Variants in SLC44A1 observed in about 807,000 individuals in gnomAD.
SLC44A1 encodes choline transporter-like protein 1.
In SLC44A1, 26 loss-of-function variants were observed where a neutral mutation model predicts 79.3. The observed-to-expected ratio is 0.33, with a 90% CI of 0.24 to 0.46. The LOEUF (loss-of-function observed/expected upper bound fraction) is 0.46. SLC44A1 is among the 20% of genes least tolerant of loss of function. SLC44A1 has a pLI of 1.00. For missense variants in SLC44A1, 688 were observed against 798.1 expected (o/e 0.86, Z 1.66); for synonymous variants, 263 against 286.2 (o/e 0.92, Z 0.82).
At chr9:105,267,685 G>A (rs1829992579) in intron 1 of SLC44A1, among the ~76,000 whole-genome samples, 1 of 151,930 alleles carries the variant, frequency 6.6e-6, no homozygotes, top group Non-Finnish European at 1.5e-5. Flanking sequence ...CTCTGCAACT[G>A]CATCATCTTT....
At chr9:105,372,982 C>G (rs1174485982) in intron 12 of SLC44A1, among the ~76,000 whole-genome samples, 1 of 151,608 alleles carries the variant, frequency 6.6e-6, no homozygotes, top group Non-Finnish European at 1.5e-5. Flanking sequence ...CAGGTAGTGA[C>G]CTGCTCAGTA....
chr9:105,380,837 T>A (rs527329789), intron 13 of SLC44A1, among the ~76,000 whole-genome samples: 1 of 152,310 alleles, frequency 6.6e-6, no homozygotes, highest in South Asian at 2.1e-4. Flanking sequence ...CTGGGCTTTA[T>A]CATGGATCCA....
At chr9:105,252,604 C>G (rs1829615397) in intron 1 of SLC44A1, among the ~76,000 whole-genome samples, 1 of 152,094 alleles carries the variant, frequency 6.6e-6, no homozygotes, top group Admixed American at 6.6e-5. Flanking sequence ...AGGGCTAGTG[C>G]GCTCAAGTAA....
chr9:105,421,925 T>G (rs778738385), intron 15 of SLC44A1, among the ~76,000 whole-genome samples: 1 of 152,078 alleles, frequency 6.6e-6, no homozygotes, highest in Non-Finnish European at 1.5e-5. Flanking sequence ...ACTGGTGCAT[T>G]GTCAGTATTT....
At chr9:105,317,622 T>C (rs1218613493) in intron 3 of SLC44A1, among the ~76,000 whole-genome samples, 1 of 151,990 alleles carries the variant, frequency 6.6e-6, no homozygotes, top group African/African-American at 2.4e-5. Flanking sequence ...CCAAGCTTGG[T>C]TCTCACTGTC....
intron 4 of SLC44A1, among the ~76,000 whole-genome samples, chr9:105,337,962 A>G (rs1826974757): frequency 6.6e-6 from 1 of 152,206 alleles, no homozygotes; most frequent in African/African-American, 2.4e-5. Flanking sequence ...GTCTTGCACA[A>G]AGTAGGTGCT....
intron 1 of SLC44A1, among the ~76,000 whole-genome samples, chr9:105,254,175 C>G (rs1016636243): frequency 1.8e-4 from 27 of 152,344 alleles, no homozygotes; most frequent in African/African-American, 6.5e-4. Flanking sequence ...TTGATGTCAG[C>G]AAGGACGTAA....
At chr9:105,411,620 T>A (rs1049922249) in intron 15 of SLC44A1, among the ~76,000 whole-genome samples, 1 of 152,130 alleles carries the variant, frequency 6.6e-6, no homozygotes, top group Non-Finnish European at 1.5e-5. Context: ...GTCTCTTTAA[T>A]CTCTTTTAAC....
chr9:105,303,304 T>C (rs1020200836), intron 2 of SLC44A1, among the ~76,000 whole-genome samples: 1 of 151,970 alleles, frequency 6.6e-6, no homozygotes, highest in African/African-American at 2.4e-5. Context: ...TCTGACTTCA[T>C]TCTGTCTCAA....
rs139859232 is a variant in SLC44A1 at position 105,347,469 on chromosome 9, G to A, written c.407-889G>A. ...CTAGTTGCTGTATTTTAAAATTAAC[G>A]GATCAGGAAAATAAGATGTATATTG... On this transcript the variant is annotated intron_variant, in intron 4 of 15. Transcript: ENST00000374720. Among the ~76,000 whole-genome samples, 40 of 151,876 alleles carry A rather than the reference G, an allele frequency of 2.6e-4. 1 individual carries two copies. The East Asian group carries it at 6.6e-3, about 25-fold the overall frequency.
intron 1 of SLC44A1, among the ~76,000 whole-genome samples, chr9:105,290,223 A>C (rs1830571909): frequency 6.6e-6 from 1 of 152,200 alleles, no homozygotes; most frequent in African/African-American, 2.4e-5. Context: ...AGGATAGCCA[A>C]AAAAGTCAAT....
chr9:105,331,763 A>G (rs1167353183), intron 3 of SLC44A1, among the ~76,000 whole-genome samples: 1 of 152,258 alleles, frequency 6.6e-6, no homozygotes, highest in Non-Finnish European at 1.5e-5. Context: ...TGATATTTGT[A>G]GGAAATATTT....
At chr9:105,326,522 T>TC (rs1564439048) in intron 3 of SLC44A1, among the ~76,000 whole-genome samples, 1 of 152,164 alleles carries the variant, frequency 6.6e-6, no homozygotes, top group Non-Finnish European at 1.5e-5. Context: ...AGGGGAGTCT[T>TC]CCCCCGTGCT....
At chr9:105,349,510 G>A (rs894344601) in intron 5 of SLC44A1, among the ~76,000 whole-genome samples, 1 of 152,060 alleles carries the variant, frequency 6.6e-6, no homozygotes, top group African/African-American at 2.4e-5. Flanking sequence ...AAAATTTAAA[G>A]CCTGTAGACA....
chr9:105,408,249 C>G (rs1484927920), intron 15 of SLC44A1, among the ~76,000 whole-genome samples: 1 of 152,076 alleles, frequency 6.6e-6, no homozygotes. Flanking sequence ...TAGACCTGCC[C>G]TATGAGAAAT....
chr9:105,265,893 A>G (rs1829950214), intron 1 of SLC44A1, among the ~76,000 whole-genome samples: 1 of 152,078 alleles, frequency 6.6e-6, no homozygotes, highest in East Asian at 1.9e-4. Flanking sequence ...TCATGTACTT[A>G]TTTAACATCT....
intron 15 of SLC44A1, among the ~76,000 whole-genome samples, chr9:105,402,616 C>A (rs1828972087): frequency 6.6e-6 from 1 of 152,114 alleles, no homozygotes; most frequent in Non-Finnish European, 1.5e-5. Flanking sequence ...TTTTCCACTC[C>A]CTGATAATGA....
intron 3 of SLC44A1, among the ~76,000 whole-genome samples, chr9:105,312,816 GCTAGCGTAT>G (rs891496614): frequency 2.1e-4 from 32 of 152,204 alleles, no homozygotes; most frequent in African/African-American, 7.2e-4. Flanking sequence ...AGACTGTTGT[GCTAGCGTAT>G]CTATTCTTGG....
intron 2 of SLC44A1, among the ~76,000 whole-genome samples, chr9:105,304,870 C>A (rs1830975096): frequency 7.7e-6 from 1 of 129,572 alleles, no homozygotes; most frequent in Admixed American, 8.6e-5. Flanking sequence ...CACTTCAATT[C>A]TTTTAGGGTA....
Sources: allele counts gnomAD v4.1 joint callset (sites outside exome capture counted in the v4.1 genomes callset), GRCh38; gene constraint gnomAD v4.1.1; transcripts MANE v1.5; gene names NCBI Gene and HGNC (gene_info 2026-07-23, HGNC 2026-07-21).